TMEM178B: variants seen among roughly 807,000 people sequenced by gnomAD.
The protein encoded by TMEM178B is transmembrane protein 178B.
In TMEM178B, 5 loss-of-function variants were observed where a neutral mutation model predicts 31.0. That is an observed-to-expected ratio of 0.16 (90% CI 0.08 to 0.34). The LOEUF is 0.34. Ranked by LOEUF, TMEM178B falls within the 10% of genes least tolerant of loss-of-function variation. TMEM178B has a pLI of 1.00. For synonymous variants in TMEM178B, 164 were observed against 164.0 expected, an observed-to-expected ratio of 1.00 and a Z score of 0.00; for missense variants, 275 against 400.3, an observed-to-expected ratio of 0.69 and a Z score of 2.67.
chr7:141,383,851 C>A (rs1243257015), intron 2 of TMEM178B, among the ~76,000 whole-genome samples: 2 of 152,178 alleles, frequency 1.3e-5, no homozygotes, highest in African/African-American at 4.8e-5. Context: ...AAAAGTGTTC[C>A]TATTTCTCTA....
intron 1 of TMEM178B, among the ~76,000 whole-genome samples, chr7:141,085,004 G>A (rs753278593): frequency 4.6e-5 from 7 of 151,896 alleles, no homozygotes; most frequent in African/African-American, 9.7e-5. Context: ...TCAGCTTTCT[G>A]AGTAGCTGGG....
intron 1 of TMEM178B, among the ~76,000 whole-genome samples, chr7:141,172,128 G>C (rs1026150401): frequency 2.6e-5 from 4 of 152,082 alleles, no homozygotes; most frequent in African/African-American, 9.7e-5. Context: ...CCTTCCCCAA[G>C]GTTACAGAGT....
chr7:141,302,994 A>G (rs1038389237), intron 2 of TMEM178B, among the ~76,000 whole-genome samples: 10 of 152,246 alleles, frequency 6.6e-5, no homozygotes, highest in Non-Finnish European at 1.2e-4. Flanking sequence ...AGAAGGGTTC[A>G]TTAATTCACA....
At chr7:141,234,433 G>A (rs1797495485) in intron 2 of TMEM178B, among the ~76,000 whole-genome samples, 1 of 152,128 alleles carries the variant, frequency 6.6e-6, no homozygotes. Flanking sequence ...AAATGAGGAG[G>A]CCAGAGGGAT....
chr7:141,138,627 A>G (rs1469674157), intron 1 of TMEM178B, among the ~76,000 whole-genome samples: 1 of 149,192 alleles, frequency 6.7e-6, no homozygotes, highest in Non-Finnish European at 1.5e-5. Flanking sequence ...GAAGGCACTG[A>G]AAAAAAAAAC....
chr7:141,167,908 C>T (rs1474608956), intron 1 of TMEM178B, among the ~76,000 whole-genome samples: 1 of 152,216 alleles, frequency 6.6e-6, no homozygotes, highest in Non-Finnish European at 1.5e-5. Context: ...TTATATTTGC[C>T]CCTACATTTT....
At chr7:141,361,204 G>A (rs1799912792) in intron 2 of TMEM178B, among the ~76,000 whole-genome samples, 1 of 152,148 alleles carries the variant, frequency 6.6e-6, no homozygotes, top group African/African-American at 2.4e-5. Context: ...ACTGGCTGGT[G>A]GTCCTTGCTC....
intron 1 of TMEM178B, among the ~76,000 whole-genome samples, chr7:141,160,591 A>G (rs1796153623): frequency 6.6e-6 from 1 of 152,166 alleles, no homozygotes; most frequent in African/African-American, 2.4e-5. Flanking sequence ...AGTGCTTGCC[A>G]CATGACACAT....
At chr7:141,433,574 C>T (rs1209778165) in intron 2 of TMEM178B, among the ~76,000 whole-genome samples, 2 of 152,212 alleles carry the variant, frequency 1.3e-5, no homozygotes, top group Non-Finnish European at 2.9e-5. Flanking sequence ...AAATGCTAGA[C>T]ACATTTTTTT....
rs1008942988 is a variant in TMEM178B at position 141,422,245 on chromosome 7, A to C, written c.497-15363A>C. Among the ~76,000 whole-genome samples, 1 of 152,192 alleles carries C rather than the reference A, an allele frequency of 6.6e-6. No individual in the cohort carries two copies. Among genetic ancestry groups the C allele is most frequent in the Non-Finnish European group, 1.5e-5 (1 of 68,026 alleles). On this transcript the variant is annotated intron_variant, in intron 2 of 3. Coordinates refer to ENST00000565468, the MANE Select transcript of TMEM178B (RefSeq NM_001195278.2). The surrounding 1 kb of genome is among the most constrained non-coding windows in gnomAD (Gnocchi z 4.2). ...GGTGTTATTGCTCTCCGGGCCCTCC[A>C]TGTGGTGGGGCCCAAAGGCTGGCTC...
At chr7:141,189,559 C>T (rs185127761) in intron 1 of TMEM178B, among the ~76,000 whole-genome samples, 24 of 152,260 alleles carry the variant, frequency 1.6e-4, no homozygotes, top group East Asian at 1.5e-3. Context: ...GTGACTGAAG[C>T]GGTCATCACA....
intron 2 of TMEM178B, among the ~76,000 whole-genome samples, chr7:141,281,860 G>A (rs1798367289): frequency 4.6e-5 from 7 of 152,154 alleles, no homozygotes; most frequent in Admixed American, 4.6e-4. Flanking sequence ...AGGCCTGGGG[G>A]CCCAGTCAAG....
At chr7:141,207,422 G>A (rs1205555626) in intron 1 of TMEM178B, among the ~76,000 whole-genome samples, 5 of 152,106 alleles carry the variant, frequency 3.3e-5, no homozygotes, top group Admixed American at 6.5e-5. Flanking sequence ...CAAGAGTTTC[G>A]CTTTCTCCGC....
At chr7:141,493,406 T>G in the TMEM178B span, among the ~76,000 whole-genome samples, 1 of 152,222 alleles carries the variant, frequency 6.6e-6, no homozygotes, top group Non-Finnish European at 1.5e-5. Flanking sequence ...CCTTGAGGAC[T>G]GTTGACTTCA....
chr7:141,097,032 G>A (rs1794971328), intron 1 of TMEM178B, among the ~76,000 whole-genome samples: 1 of 151,346 alleles, frequency 6.6e-6, no homozygotes, highest in African/African-American at 2.4e-5. Context: ...CAAGGCTGCA[G>A]TGAGCTATGA....
At position 141,447,901 on chromosome 7, in the gene TMEM178B, G is replaced by A. The variant is rs376432900; in HGVS notation, c.634+10156G>A. Among the ~76,000 whole-genome samples, 204 of 152,168 alleles carry A rather than the reference G, an allele frequency of 1.3e-3. 1 individual carries two copies. The highest frequency in any genetic ancestry group is 4.6e-3 in the African/African-American group (192 of 41,522). ...CAGTAGAGGATCCAAGCAAGTGGGC[G>A]ACTGCATAGATCACATGCCCATGAA... On this transcript the variant is annotated intron_variant, in intron 3 of 3. Coordinates refer to ENST00000565468, the MANE Select transcript of TMEM178B (RefSeq NM_001195278.2).
chr7:141,330,405 C>G (rs938134460), intron 2 of TMEM178B, among the ~76,000 whole-genome samples: 2 of 152,062 alleles, frequency 1.3e-5, no homozygotes, highest in African/African-American at 4.8e-5. Context: ...GTTAATTTAC[C>G]GAGGATAATG....
chr7:141,339,385 G>C (rs924431687), intron 2 of TMEM178B, among the ~76,000 whole-genome samples: 1 of 152,218 alleles, frequency 6.6e-6, no homozygotes, highest in African/African-American at 2.4e-5. Flanking sequence ...GTGGAGCTCA[G>C]CAGTTGGGAG....
chr7:141,138,605 G>A (rs1433075428), intron 1 of TMEM178B, among the ~76,000 whole-genome samples: 1 of 151,896 alleles, frequency 6.6e-6, no homozygotes, highest in Admixed American at 6.6e-5. Flanking sequence ...GCTGGACTTG[G>A]GAAGCAGTAG....
Sources: allele counts gnomAD v4.1 joint callset (sites outside exome capture counted in the v4.1 genomes callset), GRCh38; gene constraint gnomAD v4.1.1; non-coding constraint Gnocchi (gnomAD v3.1); transcripts MANE v1.5; gene names NCBI Gene and HGNC (gene_info 2026-07-23, HGNC 2026-07-21).